FSTL5: variants seen among roughly 807,000 people sequenced by gnomAD.
The protein encoded by FSTL5 is follistatin-related protein 5.
FSTL5 carries 62 observed loss-of-function variants against 89.1 expected under a neutral mutation model. The ratio of observed to expected loss-of-function variants is 0.70; its 90% CI spans 0.57 to 0.86. The LOEUF (loss-of-function observed/expected upper bound fraction) is 0.86, where lower values mean the gene tolerates loss of function less well. Among genes scored for constraint, FSTL5 ranks in the 40% least tolerant of loss-of-function variants. FSTL5 has a pLI of 0.00. For synonymous variants in FSTL5, 383 were observed against 346.2 expected (o/e 1.11, Z -1.18); for missense variants, 1,057 against 1,001.6 (o/e 1.06, Z -0.75).
chr4:161,843,070 A>G (rs970135460), intron 4 of FSTL5, among the ~76,000 whole-genome samples: 3 of 152,170 alleles, frequency 2.0e-5, no homozygotes, highest in Non-Finnish European at 4.4e-5. Context: ...GCTGAGCAGT[A>G]TCATTTTTCC....
rs1392984143 is a variant in FSTL5 at position 161,473,383 on chromosome 4, A to AT, written c.1608+7636dup. On this transcript the variant is annotated intron_variant, in intron 13 of 15. Transcript: ENST00000306100. ...ATCTGCTTGCTGTATTGCTGTATTG[A>AT]TTTTTTTATTAATAAATTATCTCCC... is the stretch of plus-strand genomic sequence containing the variant. Among the ~76,000 whole-genome samples, 6 of 145,820 alleles carry AT rather than the reference A, an allele frequency of 4.1e-5. No homozygotes were observed. In the East Asian group the frequency reaches 6.1e-4, roughly 15 times the overall value.
chr4:162,081,726 T>C (rs1730105010), intron 2 of FSTL5, among the ~76,000 whole-genome samples: 1 of 151,534 alleles, frequency 6.6e-6, no homozygotes, highest in Non-Finnish European at 1.5e-5. Flanking sequence ...ACCCTGTCCA[T>C]AGATATTGTA....
intron 7 of FSTL5, among the ~76,000 whole-genome samples, chr4:161,642,744 G>C (rs976052437): frequency 1.3e-5 from 2 of 152,116 alleles, no homozygotes; most frequent in African/African-American, 4.8e-5. Context: ...GAACTACTTA[G>C]AGTATGCAAA....
chr4:161,414,089 A>G (rs1731691550), intron 15 of FSTL5, among the ~76,000 whole-genome samples: 1 of 152,234 alleles, frequency 6.6e-6, no homozygotes, highest in African/African-American at 2.4e-5. Flanking sequence ...ATAAAAATAA[A>G]TAAAATGTTT....
intron 15 of FSTL5, among the ~76,000 whole-genome samples, chr4:161,421,377 C>A (rs1422401063): frequency 6.6e-6 from 1 of 151,604 alleles, no homozygotes; most frequent in Non-Finnish European, 1.5e-5. Context: ...GATAGCCTAG[C>A]ACAAAATAAT....
At chr4:161,610,086 A>G (rs1340337816) in intron 7 of FSTL5, among the ~76,000 whole-genome samples, 1 of 152,124 alleles carries the variant, frequency 6.6e-6, no homozygotes. Context: ...TAATTTCAAT[A>G]GAGTAAATTT....
rs191947481 is a variant in FSTL5, at chr4:162,136,934, A to T, written c.-16-25522T>A. 2.2e-3 allele frequency among the ~76,000 whole-genome samples: 334 copies of T among 152,182 alleles called. 13 individuals carry two copies. The East Asian group carries it at 0.057, about 26-fold the overall frequency. On this transcript the variant is annotated intron_variant, in intron 1 of 15. Coordinates refer to ENST00000306100, the MANE Select transcript of FSTL5 (RefSeq NM_020116.5). The stretch of plus-strand genomic sequence containing the variant: ...TATTTAACAAAAATTTCTATTTTTT[A>T]AAAGAAGAACATTTTAAGGGATAAA...
chr4:161,753,454 A>G (rs1301020441), intron 6 of FSTL5, among the ~76,000 whole-genome samples: 1 of 152,138 alleles, frequency 6.6e-6, no homozygotes, highest in Non-Finnish European at 1.5e-5. Flanking sequence ...TTTCTCAGAT[A>G]TGGCCACATT....
intron 4 of FSTL5, among the ~76,000 whole-genome samples, chr4:161,806,538 T>C (rs112795043): frequency 1.9e-4 from 29 of 152,224 alleles, no homozygotes; most frequent in African/African-American, 6.3e-4. Flanking sequence ...CTGTCAGATA[T>C]AGCAATAAGC....
chr4:161,679,340 G>T (rs528809006), intron 6 of FSTL5, among the ~76,000 whole-genome samples: 1 of 151,640 alleles, frequency 6.6e-6, no homozygotes, highest in Non-Finnish European at 1.5e-5. Flanking sequence ...ATGCGTTGCA[G>T]GTTTTGACTT....
At chr4:161,775,287 T>C (rs1000797404) in intron 5 of FSTL5, among the ~76,000 whole-genome samples, 1 of 152,190 alleles carries the variant, frequency 6.6e-6, no homozygotes, top group Non-Finnish European at 1.5e-5. Flanking sequence ...TTCTGCTGCC[T>C]AATTGGGCTT....
Position 161,960,437 on chromosome 4 carries a change from A to T in FSTL5, c.161-39785T>A, listed in dbSNP as rs542729192. On this transcript the variant is annotated intron_variant, in intron 3 of 15. Transcript: ENST00000306100. ...ATGATCTGCCTGCCTTGGCCTCCCA[A>T]AGTGCTGGGTGCTGGGATTACAGGT... Among the ~76,000 whole-genome samples, 78 of 152,024 alleles carry T rather than the reference A, an allele frequency of 5.1e-4. 1 individual carries two copies. Among genetic ancestry groups the T allele is most frequent in the Admixed American group, 4.3e-3 (65 of 15,240 alleles).
rs28644309 is a variant in FSTL5 at position 161,926,404 on chromosome 4, T to G, written c.161-5752A>C. 9.3e-4 allele frequency among the ~76,000 whole-genome samples: 122 copies of G among 131,686 alleles called. 1 individual carries two copies. Among genetic ancestry groups the G allele is most frequent in the Middle Eastern group, 3.9e-3 (1 of 254 alleles). 86.4% of individuals were successfully genotyped at this position (131,686 alleles called of 152,430 possible). A position where few individuals can be genotyped will look rare whatever the true frequency, so the allele number is the denominator to read the frequency against. On this transcript the variant is annotated intron_variant, in intron 3 of 15. Transcript: ENST00000306100. Reference sequence around the variant, plus strand: ...CTGCAACAGAAGAAGGTTTTTTTTTTTTGTTTTGTTTTTTGTTTTTTTACA... The same window carrying G: ...CTGCAACAGAAGAAGGTTTTTTTTTGTTGTTTTGTTTTTTGTTTTTTTACA...
intron 1 of FSTL5, among the ~76,000 whole-genome samples, chr4:162,132,007 C>T (rs527439596): frequency 6.6e-6 from 1 of 152,328 alleles, no homozygotes; most frequent in African/African-American, 2.4e-5. Flanking sequence ...GTGGCGCAAG[C>T]CTCAGACTTG....
At chr4:161,431,172 G>A (rs1293325995) in intron 15 of FSTL5, among the ~76,000 whole-genome samples, 1 of 152,154 alleles carries the variant, frequency 6.6e-6, no homozygotes, top group Non-Finnish European at 1.5e-5. Context: ...CAGAGTAATT[G>A]TCGTGTATAA....
At chr4:161,829,467 ATAT>A (rs1730775490) in intron 4 of FSTL5, among the ~76,000 whole-genome samples, 1 of 151,950 alleles carries the variant, frequency 6.6e-6, no homozygotes, top group Non-Finnish European at 1.5e-5. Context: ...TACACATATC[ATAT>A]TATAATTAAT....
rs1329121585 is a variant in FSTL5 at position 161,397,391 on chromosome 4, A to T, written c.1842-10942T>A. On this transcript the variant is annotated intron_variant, in intron 15 of 15. Coordinates refer to ENST00000306100, the MANE Select transcript of FSTL5 (RefSeq NM_020116.5). ...TTTTAGAAGCAAACATATCATATGT[A>T]TAAAATTAATAATAGAATAAAGGTA... Among the ~76,000 whole-genome samples, 6 of 152,076 alleles carry T rather than the reference A, an allele frequency of 3.9e-5. No homozygotes were observed. In the East Asian group the frequency reaches 1.2e-3, roughly 29 times the overall value.
intron 2 of FSTL5, among the ~76,000 whole-genome samples, chr4:162,050,856 T>A (rs1738355592): frequency 6.6e-6 from 1 of 151,268 alleles, no homozygotes; most frequent in Non-Finnish European, 1.5e-5. Context: ...AAAACTATAT[T>A]TGTAGATTAA....
intron 5 of FSTL5, among the ~76,000 whole-genome samples, chr4:161,767,832 T>G (rs556055157): frequency 9.2e-5 from 14 of 152,002 alleles, no homozygotes; most frequent in African/African-American, 3.4e-4. Flanking sequence ...CACTCAGAAT[T>G]AAAGAATCAA....
Sources: allele counts gnomAD v4.1 joint callset (sites outside exome capture counted in the v4.1 genomes callset), GRCh38; gene constraint gnomAD v4.1.1; transcripts MANE v1.5; gene names NCBI Gene and HGNC (gene_info 2026-07-23, HGNC 2026-07-21).